CNTN5: variants seen among roughly 807,000 people sequenced by gnomAD.
CNTN5 encodes contactin-5.
A neutral mutation model predicts 129.1 loss-of-function variants in CNTN5; 77 were observed. The ratio of observed to expected loss-of-function variants is 0.60; its 90% CI spans 0.50 to 0.72. The LOEUF is 0.72. CNTN5 is among the 30% of genes least tolerant of loss of function. The pLI, the probability that CNTN5 is intolerant of heterozygous loss-of-function variation, is 0.00. For synonymous variants in CNTN5, 509 were observed against 465.6 expected (o/e 1.09, Z -1.20); for missense variants, 1,478 against 1,328.8 (o/e 1.11, Z -1.75).
At chr11:100,293,582 C>T (rs4754680) in intron 18 of CNTN5, among the ~76,000 whole-genome samples, 61,345 of 151,222 alleles carry the variant, frequency 0.41, 14,006 homozygotes, top group Non-Finnish European at 0.53. Flanking sequence ...ATTATAATTC[C>T]GGGTACTGTG....
chr11:100,314,161 G>A (rs1423844155), intron 21 of CNTN5, among the ~76,000 whole-genome samples: 1 of 152,096 alleles, frequency 6.6e-6, no homozygotes, highest in African/African-American at 2.4e-5. Flanking sequence ...GGAATTTCCT[G>A]TATTTTGTCA....
intron 13 of CNTN5, among the ~76,000 whole-genome samples, chr11:100,100,916 G>A (rs540146123): frequency 2.6e-5 from 4 of 152,172 alleles, no homozygotes; most frequent in South Asian, 2.1e-4. Flanking sequence ...CTATGAGTAG[G>A]ATGGATTTCC....
chr11:100,281,739 C>T (rs1323479501), intron 18 of CNTN5, among the ~76,000 whole-genome samples: 2 of 152,152 alleles, frequency 1.3e-5, no homozygotes, highest in Admixed American at 6.5e-5. Flanking sequence ...CCTTTTGAGG[C>T]TATTTTCTAA....
intron 3 of CNTN5, among the ~76,000 whole-genome samples, chr11:99,621,736 A>G (rs1950957716): frequency 6.6e-6 from 1 of 152,176 alleles, no homozygotes; most frequent in African/African-American, 2.4e-5. Flanking sequence ...ACCTTCTTTT[A>G]GTAGGCAAGT....
At chr11:99,746,763 G>A (rs1944068732) in intron 3 of CNTN5, among the ~76,000 whole-genome samples, 2 of 152,192 alleles carry the variant, frequency 1.3e-5, no homozygotes. Flanking sequence ...AGCCCTGTGT[G>A]GCTGGGGACT....
At chr11:100,306,114 T>C (rs1306422646) in intron 20 of CNTN5, among the ~76,000 whole-genome samples, 1 of 151,562 alleles carries the variant, frequency 6.6e-6, no homozygotes, top group Non-Finnish European at 1.5e-5. Context: ...GTTTGATTGA[T>C]TCACTGTCAT....
chr11:99,540,601 A>T (rs1419027195), intron 2 of CNTN5, among the ~76,000 whole-genome samples: 9 of 152,192 alleles, frequency 5.9e-5, no homozygotes, highest in Non-Finnish European at 4.4e-5. Context: ...AAGGCATGAG[A>T]CTTAAAATAT....
At chr11:99,411,964 A>G (rs1158482254) in intron 2 of CNTN5, among the ~76,000 whole-genome samples, 1 of 152,190 alleles carries the variant, frequency 6.6e-6, no homozygotes, top group Admixed American at 6.6e-5. Context: ...ACCCTTAACT[A>G]TGGGCCAGAC....
intron 1 of CNTN5, among the ~76,000 whole-genome samples, chr11:99,251,094 T>C (rs1057265145): frequency 2.0e-5 from 3 of 151,964 alleles, no homozygotes; most frequent in Non-Finnish European, 4.4e-5. Flanking sequence ...TACATCTCTC[T>C]AGGGACAGAG....
chr11:99,819,291 TCTC>T (rs1565566776), intron 3 of CNTN5, among the ~76,000 whole-genome samples: 1 of 81,908 alleles, frequency 1.2e-5, no homozygotes, highest in Non-Finnish European at 2.5e-5. Flanking sequence ...TTCCCTCTCC[TCTC>T]CTCCCCTTCC....
At chr11:99,968,258 G>T (rs1750006736) in intron 8 of CNTN5, among the ~76,000 whole-genome samples, 1 of 152,148 alleles carries the variant, frequency 6.6e-6, no homozygotes, top group African/African-American at 2.4e-5. Flanking sequence ...CGTGTTGAAA[G>T]ATTACTGTTT....
chr11:99,395,379 A>G (rs941262253), intron 2 of CNTN5, among the ~76,000 whole-genome samples: 14 of 151,446 alleles, frequency 9.2e-5, no homozygotes, highest in African/African-American at 3.4e-4. Flanking sequence ...TCATTTTTGA[A>G]TGGTATTGTT....
intron 2 of CNTN5, among the ~76,000 whole-genome samples, chr11:99,452,974 G>C (rs1001271567): frequency 1.3e-5 from 2 of 152,016 alleles, no homozygotes; most frequent in Non-Finnish European, 2.9e-5. Context: ...ATCATATAAC[G>C]TTGCCAATGT....
chr11:100,092,190 G>T (rs1025068178), intron 13 of CNTN5, among the ~76,000 whole-genome samples: 48 of 152,234 alleles, frequency 3.2e-4, no homozygotes, highest in African/African-American at 1.2e-3. Context: ...TAACTAAGCT[G>T]AGTTGGATTT....
chr11:100,095,358 A>C (rs1944969173), intron 13 of CNTN5, among the ~76,000 whole-genome samples: 1 of 152,032 alleles, frequency 6.6e-6, no homozygotes, highest in Non-Finnish European at 1.5e-5. Context: ...GAGTGGAAGA[A>C]ACTAACCAGA....
intron 1 of CNTN5, among the ~76,000 whole-genome samples, chr11:99,250,507 A>C (rs1565437804): frequency 6.6e-6 from 1 of 151,708 alleles, no homozygotes; most frequent in Non-Finnish European, 1.5e-5. Flanking sequence ...ACTCTAATGA[A>C]ATCAGCTGTA....
At chr11:99,163,599 A>G (rs899393622) in intron 1 of CNTN5, among the ~76,000 whole-genome samples, 1 of 152,102 alleles carries the variant, frequency 6.6e-6, no homozygotes, top group African/African-American at 2.4e-5. Flanking sequence ...ATACTTCTTT[A>G]CCTAAAGTTT....
chr11:99,541,956 C>CAAAAAAAAAAAAAAAAAAAAAAATAAA (rs56363127), intron 2 of CNTN5, among the ~76,000 whole-genome samples: 1 of 68,876 alleles, frequency 1.5e-5, no homozygotes, highest in Admixed American at 1.6e-4. Context: ...GATCTTGTCT[C>CAAAAAAAAAAAAAAAAAAAAAAATAAA]AAAAAAAAAA....
At chr11:99,753,735 C>T (rs10893838) in intron 3 of CNTN5, among the ~76,000 whole-genome samples, 46,384 of 138,932 alleles carry the variant, frequency 0.33, 8,411 homozygotes, top group East Asian at 0.7. Flanking sequence ...ATCACCCAGG[C>T]TTGGGTGCAG....
Sources: gnomAD v4.1 joint callset for allele counts (sites outside exome capture counted in the v4.1 genomes callset) on GRCh38, gnomAD v4.1.1 for gene constraint, MANE v1.5 for transcripts, NCBI Gene and HGNC (gene_info 2026-07-23, HGNC 2026-07-21) for gene names.